Variants in AGBL4 observed in about 807,000 individuals in gnomAD.
AGBL4 encodes AGBL carboxypeptidase 4, also known as cytosolic carboxypeptidase 6.
A neutral mutation model predicts 66.4 loss-of-function variants in AGBL4; 58 were observed. That is an observed-to-expected ratio of 0.87 (90% confidence interval 0.71 to 1.09). The LOEUF is 1.09. Ranked by LOEUF, AGBL4 falls within the 50% of genes least tolerant of loss-of-function variation. The pLI is 0.00. For missense variants in AGBL4, 579 were observed against 631.0 expected (o/e 0.92, Z 0.88); for synonymous variants, 234 against 222.9 (o/e 1.05, Z -0.44).
At chr1:49,505,722 T>C (rs868685954) in intron 3 of AGBL4, among the ~76,000 whole-genome samples, 3 of 152,030 alleles carry the variant, frequency 2.0e-5, no homozygotes, top group African/African-American at 7.2e-5. Flanking sequence ...TTGTTTGGAT[T>C]GAGTCTGCTT....
At position 49,697,401 on chromosome 1, in the gene AGBL4, T is replaced by A. The variant is rs1647007653; in HGVS notation, c.194A>T (p.Glu65Val). 6.5e-7 allele frequency: 1 copy of A among 1,538,038 alleles called. No individual in the cohort carries two copies. Among genetic ancestry groups the A allele is most frequent in the Admixed American group, 2.0e-5 (1 of 50,840 alleles). The change falls in exon 3 of 14, where the codon GAG (glutamate) becomes GTG (valine). Residue 65 changes from glutamate (E) to valine (V), a missense_variant. By Grantham distance (121) the Glu-to-Val change is moderately radical. Coordinates refer to ENST00000371839, the MANE Select transcript of AGBL4 (RefSeq NM_032785.4). ...GTCCGGCCTAATGAACAGATCATACTCAAACTCAGAGACCTGGTCCACCCG... is the reference window on the plus strand; with the variant it reads ...GTCCGGCCTAATGAACAGATCATACACAAACTCAGAGACCTGGTCCACCCG... ...LGRVDQVSEF[E>V]YDLFIRPDTC...
In AGBL4 at chr1:49,194,396, T is replaced by C. The variant is rs558184291; in HGVS notation, c.377+51374A>G. Among the ~76,000 whole-genome samples, 10 of 152,348 alleles carry C rather than the reference T, an allele frequency of 6.6e-5. No individual in the cohort carries two copies. The South Asian group carries it at 1.0e-3, about 16-fold the overall frequency. On this transcript the variant is annotated intron_variant, in intron 4 of 13. Coordinates refer to ENST00000371839, the MANE Select transcript of AGBL4 (RefSeq NM_032785.4). ...GTTTTTCACCCCTATACTTTCAGTG[T>C]ATATGTGTTTTTACAAGTGAGGTGA...
At chr1:48,880,637 T>A (rs1056224126) in intron 5 of AGBL4, among the ~76,000 whole-genome samples, 13 of 152,152 alleles carry the variant, frequency 8.5e-5, no homozygotes, top group Non-Finnish European at 1.3e-4. Context: ...TATTATTTTT[T>A]TATTTTCTGA....
chr1:49,485,658 C>A (rs1570838308), intron 3 of AGBL4, among the ~76,000 whole-genome samples: 1 of 151,298 alleles, frequency 6.6e-6, no homozygotes. Flanking sequence ...GAATGAGATC[C>A]TGTCATTTAG....
chr1:48,819,626 G>T (rs1034613514), intron 6 of AGBL4, among the ~76,000 whole-genome samples: 1 of 152,180 alleles, frequency 6.6e-6, no homozygotes, highest in Non-Finnish European at 1.5e-5. Flanking sequence ...GTGAACCAAG[G>T]AATGCTAGAC....
Position 48,675,768 on chromosome 1 carries a change from C to T in AGBL4, c.635-12527G>A, listed in dbSNP as rs1322448802. Among the ~76,000 whole-genome samples the T allele has an allele frequency of 2.0e-5, 3 of 152,182 alleles. No homozygotes were observed. The East Asian group carries it at 5.8e-4, about 29-fold the overall frequency. On this transcript the variant is annotated intron_variant, in intron 6 of 13. Transcript: ENST00000371839. ...ATGGTCTAATTAATGTCACCATTTACAACCAAGACTCTAAGACAAAAAGTG... is the reference window on the plus strand; with the variant it reads ...ATGGTCTAATTAATGTCACCATTTATAACCAAGACTCTAAGACAAAAAGTG...
At chr1:48,775,239 C>T (rs72681066) in intron 6 of AGBL4, among the ~76,000 whole-genome samples, 3,385 of 152,214 alleles carry the variant, frequency 0.022, 65 homozygotes, top group Non-Finnish European at 0.036. Context: ...TGGATAGAGC[C>T]TGTCAAAAAG....
intron 4 of AGBL4, among the ~76,000 whole-genome samples, chr1:49,101,119 A>G (rs1645192750): frequency 6.6e-6 from 1 of 152,020 alleles, no homozygotes. Context: ...TCATCCATCT[A>G]CGGGTCTCAG....
At chr1:49,457,291 T>C (rs1484587843) in intron 3 of AGBL4, among the ~76,000 whole-genome samples, 3 of 151,840 alleles carry the variant, frequency 2.0e-5, no homozygotes, top group Non-Finnish European at 4.4e-5. Flanking sequence ...TAGTATCGCA[T>C]TGTGGTTTTG....
intron 3 of AGBL4, among the ~76,000 whole-genome samples, chr1:49,446,188 C>T (rs1326054786): frequency 1.3e-5 from 2 of 152,132 alleles, no homozygotes; most frequent in African/African-American, 4.8e-5. Flanking sequence ...TCAAATATTC[C>T]TTTTCAATTA....
chr1:50,011,535 A>T (rs1421521867), intron 1 of AGBL4, among the ~76,000 whole-genome samples: 2 of 152,248 alleles, frequency 1.3e-5, no homozygotes, highest in Non-Finnish European at 2.9e-5. Context: ...TGCCGGGTAT[A>T]TAACCAAAAG....
intron 5 of AGBL4, among the ~76,000 whole-genome samples, chr1:48,942,333 A>C (rs1323247471): frequency 6.6e-6 from 1 of 151,844 alleles, no homozygotes; most frequent in Admixed American, 6.6e-5. Context: ...TTGTGGTAAA[A>C]GAATATGGCT....
intron 4 of AGBL4, among the ~76,000 whole-genome samples, chr1:49,156,835 G>A (rs1218820254): frequency 6.6e-6 from 1 of 152,144 alleles, no homozygotes; most frequent in Non-Finnish European, 1.5e-5. Context: ...TTAGGGTGAA[G>A]ATCACTGGGA....
chr1:49,790,086 T>C (rs1163845986), intron 2 of AGBL4, among the ~76,000 whole-genome samples: 3 of 152,082 alleles, frequency 2.0e-5, no homozygotes, highest in African/African-American at 7.2e-5. Context: ...GGGAAAGGAT[T>C]CCCTATTTAA....
intron 3 of AGBL4, among the ~76,000 whole-genome samples, chr1:49,437,408 T>C (rs1033980473): frequency 6.6e-6 from 1 of 152,192 alleles, no homozygotes; most frequent in Non-Finnish European, 1.5e-5. Flanking sequence ...AATAGATAAA[T>C]ACCCCAAGCT....
chr1:49,059,718 C>T (rs554490042), intron 4 of AGBL4, among the ~76,000 whole-genome samples: 62 of 152,220 alleles, frequency 4.1e-4, no homozygotes, highest in African/African-American at 1.2e-3. Context: ...TCTAAGGCCA[C>T]GGGAGCCCAC....
chr1:49,830,241 A>G (rs1234686812), intron 2 of AGBL4, among the ~76,000 whole-genome samples: 1 of 152,102 alleles, frequency 6.6e-6, no homozygotes, highest in Non-Finnish European at 1.5e-5. Context: ...CAACAGTGTA[A>G]AAGTGTTCCT....
intron 5 of AGBL4, among the ~76,000 whole-genome samples, chr1:49,007,473 A>C (rs1661957256): frequency 6.7e-6 from 1 of 149,338 alleles, no homozygotes; most frequent in African/African-American, 2.4e-5. Flanking sequence ...ATCCAGGAGA[A>C]CTTCCCCAAT....
intron 5 of AGBL4, among the ~76,000 whole-genome samples, chr1:48,877,389 A>G (rs747877476): frequency 6.6e-6 from 1 of 152,140 alleles, no homozygotes; most frequent in Non-Finnish European, 1.5e-5. Context: ...AAAGAAACCT[A>G]GGTTAGCGAT....
Sources: gnomAD v4.1 joint callset for allele counts (sites outside exome capture counted in the v4.1 genomes callset) on GRCh38, gnomAD v4.1.1 for gene constraint, MANE v1.5 for transcripts, NCBI Gene and HGNC (gene_info 2026-07-23, HGNC 2026-07-21) for gene names.